Variants in C6orf118 observed in about 807,000 individuals in gnomAD.
The protein encoded by C6orf118 is uncharacterized protein C6orf118.
A neutral mutation model predicts 50.2 loss-of-function variants in C6orf118; 50 were observed. The ratio of observed to expected loss-of-function variants is 1.00; its 90% CI spans 0.79 to 1.26. The LOEUF is 1.26. Among genes scored for constraint, C6orf118 ranks in the 50% most tolerant of loss-of-function variants. C6orf118 has a pLI of 0.00. For synonymous variants in C6orf118, 239 were observed against 230.9 expected, an observed-to-expected ratio of 1.03 and a Z score of -0.32; for missense variants, 641 against 578.7, an observed-to-expected ratio of 1.11 and a Z score of -1.10.
chr6:165,294,629 T>TA (rs1780228627), intron 5 of C6orf118, among the ~76,000 whole-genome samples: 1 of 152,190 alleles, frequency 6.6e-6, no homozygotes, highest in Non-Finnish European at 1.5e-5. Context: ...CTCATGCCTG[T>TA]AATCCCAGCA....
chr6:165,305,741 CATCAGAGAAATGCAA>C (rs926516891), intron 1 of C6orf118, among the ~76,000 whole-genome samples: 4 of 119,918 alleles, frequency 3.3e-5, no homozygotes, highest in Non-Finnish European at 6.5e-5. Context: ...CATCACTGGC[CATCAGAGAAATGCAA>C]ATCAAAACCA....
intron 6 of C6orf118, 25 bp downstream of exon 6, chr6:165,293,388 G>A (rs1780173174): frequency 1.2e-6 from 2 of 1,610,820 alleles, no homozygotes; most frequent in Non-Finnish European, 1.7e-6. Flanking sequence ...GCACCCATAA[G>A]GAAGGACATC....
Position 165,301,550 on chromosome 6 carries a change from G to C in C6orf118, c.753+19C>G, listed in dbSNP as rs368952765. Reference sequence around the variant, plus strand: ...CTGAGAGCTCTTCCCTGAGACCACCGCAGGGCTGCCCTCCTCACCTGCTGC... The same window carrying C: ...CTGAGAGCTCTTCCCTGAGACCACCCCAGGGCTGCCCTCCTCACCTGCTGC... On this transcript the variant is annotated intron_variant, in intron 2 of 8. Coordinates refer to ENST00000230301, the MANE Select transcript of C6orf118 (RefSeq NM_144980.4). The C allele has an allele frequency of 5.0e-6, 8 of 1,597,764 alleles. No individual in the cohort carries two copies. The East Asian group carries it at 1.6e-4, about 31-fold the overall frequency.
At position 165,301,997 on chromosome 6, in the gene C6orf118, G is replaced by A. The variant is rs1780567371; in HGVS notation, c.325C>T (p.Leu109=). 3 of 1,613,474 alleles carry A rather than the reference G, an allele frequency of 1.9e-6. No homozygotes were observed. The highest frequency in any genetic ancestry group is 2.5e-6 in the Non-Finnish European group (3 of 1,179,958). Residue 109 remains leucine (L), a synonymous_variant, in exon 2 of 9, where the codon CTG becomes TTG. Coordinates refer to ENST00000230301, the MANE Select transcript of C6orf118 (RefSeq NM_144980.4). ...AGKVARMKEA[L]AHFTIHTALV... Reference sequence around the variant, plus strand: ...GCCGTGTGGATGGTGAAGTGGGCCAGGGCCTCCTTCATCCTCGCCACCTTC... The same window carrying A: ...GCCGTGTGGATGGTGAAGTGGGCCAAGGCCTCCTTCATCCTCGCCACCTTC...
At chr6:165,282,904 A>G (rs1047717290) in intron 7 of C6orf118, among the ~76,000 whole-genome samples, 2 of 152,218 alleles carry the variant, frequency 1.3e-5, no homozygotes, top group African/African-American at 2.4e-5. Context: ...CTGACATTAT[A>G]TCATGCTTCA....
Position 165,289,979 on chromosome 6 carries a change from C to G in C6orf118, c.1209G>C (p.Trp403Cys). The G allele has an allele frequency of 6.2e-7, 1 of 1,610,890 alleles. No homozygotes were observed. The highest frequency in any genetic ancestry group is 8.5e-7 in the Non-Finnish European group (1 of 1,178,260). Residue 403 changes from tryptophan (W) to cysteine (C), a missense_variant, in exon 7 of 9, where the codon TGG (tryptophan) becomes TGC (cysteine). Coordinates refer to ENST00000230301, the MANE Select transcript of C6orf118 (RefSeq NM_144980.4). ...EKKRCEILSK[W>C]DEIQALEKEI... Reference sequence around the variant, plus strand: ...CTTTTTCCAGAGCTTGTATCTCATCCCACTTACTGAGTATTTCACACCTCT... The same window carrying G: ...CTTTTTCCAGAGCTTGTATCTCATCGCACTTACTGAGTATTTCACACCTCT...
chr6:165,281,377 G>A, intron 8 of C6orf118: 1 of 465,910 alleles, frequency 2.1e-6, no homozygotes, highest in Non-Finnish European at 3.3e-6. Flanking sequence ...ATTCATGAGT[G>A]TGAACCCTTC....
intron 8 of C6orf118, 164 bp downstream of exon 8, chr6:165,281,476 C>T: frequency 7.3e-7 from 1 of 1,376,082 alleles, no homozygotes; most frequent in Non-Finnish European, 9.4e-7. Context: ...GATGTCAATA[C>T]TTACTCCTGC....
intron 5 of C6orf118, among the ~76,000 whole-genome samples, chr6:165,296,057 T>A (rs1780287138): frequency 6.6e-6 from 1 of 151,998 alleles, no homozygotes; most frequent in Admixed American, 6.6e-5. Flanking sequence ...TCCATCTATC[T>A]CCACTGTTCT....
chr6:165,293,027 A>G (rs73788319), intron 6 of C6orf118, among the ~76,000 whole-genome samples: 22,086 of 152,222 alleles, frequency 0.15, 2,666 homozygotes, highest in African/African-American at 0.34. Flanking sequence ...AAACAGTCAA[A>G]GTTAATGAGC....
At position 165,300,593 on chromosome 6, in the gene C6orf118, G is replaced by A. The variant is rs529429550; in HGVS notation, c.754-107C>T. The A allele has an allele frequency of 1.1e-4, 112 of 1,058,896 alleles. No individual in the cohort carries two copies. The African/African-American group carries it at 1.8e-3, about 17-fold the overall frequency. 65.6% of individuals were successfully genotyped at this position (1,058,896 alleles called of 1,614,324 possible). A position where few individuals can be genotyped will look rare whatever the true frequency, so the allele number is the denominator to read the frequency against. On this transcript the variant is annotated intron_variant, in intron 2 of 8. Coordinates refer to ENST00000230301, the MANE Select transcript of C6orf118 (RefSeq NM_144980.4). ...CACAGCTGCCATCACCCTGGCGAGT[G>A]GGCGGGGCGGCACAGGGGGCCAGTC...
chr6:165,279,983 G>C lies in C6orf118; in HGVS notation c.*74C>G. The C allele has an allele frequency of 7.3e-7, 1 of 1,371,902 alleles. No homozygotes were observed. Among genetic ancestry groups the C allele is most frequent in the South Asian group, 1.3e-5 (1 of 77,870 alleles). 85.0% of individuals were successfully genotyped at this position (1,371,902 alleles called of 1,614,324 possible). ...GAAATGTATCTTTATGAATGTATAT[G>C]CATCTGCAAATATCCATGCTACATA... is the stretch of plus-strand genomic sequence containing the variant. On this transcript the variant is annotated 3_prime_UTR_variant, in exon 9 of 9. Coordinates refer to ENST00000230301, the MANE Select transcript of C6orf118 (RefSeq NM_144980.4).
At chr6:165,297,831 A>G (rs1780364085) in intron 5 of C6orf118, 146 bp downstream of exon 5, 1 of 1,187,762 alleles carries the variant, frequency 8.4e-7, no homozygotes, top group Non-Finnish European at 1.2e-6. Flanking sequence ...GCCTGTAGAA[A>G]TAGCCAGATG....
intron 6 of C6orf118, among the ~76,000 whole-genome samples, chr6:165,292,160 G>A (rs1048559885): frequency 6.6e-6 from 1 of 152,128 alleles, no homozygotes; most frequent in Non-Finnish European, 1.5e-5. Flanking sequence ...AGTTCAAAGA[G>A]GCAAAAAGGA....
At chr6:165,303,261 T>C (rs1442508163) in intron 1 of C6orf118, among the ~76,000 whole-genome samples, 1 of 152,152 alleles carries the variant, frequency 6.6e-6, no homozygotes, top group Non-Finnish European at 1.5e-5. Context: ...ATCAGCTTAG[T>C]CCTTCAGAGC....
chr6:165,281,503 TTC>T (rs1779730107), intron 8 of C6orf118, 135 bp downstream of exon 8: 1 of 1,413,300 alleles, frequency 7.1e-7, no homozygotes, highest in South Asian at 1.5e-5. Flanking sequence ...TCACTGATCT[TTC>T]CTATGATCTG....
intron 5 of C6orf118, 69 bp downstream of exon 5, chr6:165,297,908 G>T: frequency 6.2e-7 from 1 of 1,601,014 alleles, no homozygotes; most frequent in South Asian, 1.1e-5. Context: ...CCGTAGGCTT[G>T]TCACAGCGGT....
intron 5 of C6orf118, among the ~76,000 whole-genome samples, chr6:165,294,903 C>A (rs1780238529): frequency 6.6e-6 from 1 of 152,012 alleles, no homozygotes; most frequent in Admixed American, 6.6e-5. Context: ...ATTTAAGAAA[C>A]TGGGGATTCA....
At position 165,279,835 on chromosome 6, in the gene C6orf118, C is replaced by G; in HGVS notation, c.*222G>C. 2.4e-6 allele frequency: 1 copy of G among 422,088 alleles called. No individual in the cohort carries two copies. The allele number at this position is 422,088 out of a possible 1,614,324, so 26.1% of individuals were successfully genotyped here. ...ATGAAAGTAAAACATACGTTAAGAA[C>G]TAGTATTGTTGTAAATATGTATGCA... On this transcript the variant is annotated 3_prime_UTR_variant, in exon 9 of 9. Transcript: ENST00000230301.
Sources: allele counts gnomAD v4.1 joint callset (sites outside exome capture counted in the v4.1 genomes callset), GRCh38; gene constraint gnomAD v4.1.1; transcripts MANE v1.5; gene names NCBI Gene and HGNC (gene_info 2026-07-23, HGNC 2026-07-21).